SCP2: variants seen among roughly 807,000 people sequenced by gnomAD.
SCP2 encodes SCP-2/3-oxoacyl-CoA thiolase.
SCP2 carries 48 observed loss-of-function variants against 71.4 expected under a neutral mutation model. The ratio of observed to expected loss-of-function variants is 0.67; its 90% CI spans 0.53 to 0.86. The LOEUF (loss-of-function observed/expected upper bound fraction) is 0.86, where lower values mean the gene tolerates loss of function less well. Among genes scored for constraint, SCP2 ranks in the 40% least tolerant of loss-of-function variants. SCP2 has a pLI of 0.00. For synonymous variants in SCP2, 220 were observed against 218.1 expected (o/e 1.01, Z -0.08); for missense variants, 560 against 655.6 (o/e 0.85, Z 1.59).
At chr1:53,014,867 G>A in intron 11 of SCP2, 23 bp from the exon 12 acceptor site, 1 of 1,611,862 alleles carries the variant, frequency 6.2e-7, no homozygotes, top group Non-Finnish European at 8.5e-7. Flanking sequence ...AAGCAGCTCA[G>A]TGCTCTGTGT....
intron 14 of SCP2, among the ~76,000 whole-genome samples, chr1:53,044,963 GA>G (rs1663693041): frequency 6.6e-6 from 1 of 152,144 alleles, no homozygotes; most frequent in Non-Finnish European, 1.5e-5. Context: ...ATAGACAAAC[GA>G]AACGAAGAAC....
At chr1:52,936,102 A>G (rs1653719802) in intron 1 of SCP2, among the ~76,000 whole-genome samples, 1 of 152,262 alleles carries the variant, frequency 6.6e-6, no homozygotes, top group Non-Finnish European at 1.5e-5. Flanking sequence ...TGAATTAAAG[A>G]TAATTGCAGA....
chr1:53,048,097 A>G, intron 15 of SCP2, 160 bp downstream of exon 15: 1 of 660,406 alleles, frequency 1.5e-6, no homozygotes, highest in South Asian at 1.5e-5. Flanking sequence ...TGTGTGCCAC[A>G]CACTGTCTTG....
At chr1:52,994,510 A>C (rs1380572751) in intron 11 of SCP2, 1 of 195,404 alleles carries the variant, frequency 5.1e-6, no homozygotes, top group East Asian at 1.5e-4. Flanking sequence ...TTTCATATCT[A>C]TATTTGTTAT....
intron 3 of SCP2, among the ~76,000 whole-genome samples, chr1:52,948,586 C>A (rs1277365753): frequency 7.0e-6 from 1 of 143,852 alleles, no homozygotes; most frequent in Non-Finnish European, 1.5e-5. Context: ...GATTGTGCCA[C>A]TGCACTCCAG....
At chr1:53,000,287 T>A (rs1660233416) in intron 11 of SCP2, among the ~76,000 whole-genome samples, 1 of 150,230 alleles carries the variant, frequency 6.7e-6, no homozygotes, top group Admixed American at 6.7e-5. Flanking sequence ...ATAAGTAAAA[T>A]TTGGCTTTAG....
intron 11 of SCP2, among the ~76,000 whole-genome samples, chr1:53,003,513 C>A (rs1334788226): frequency 6.6e-6 from 1 of 151,992 alleles, no homozygotes; most frequent in Non-Finnish European, 1.5e-5. Context: ...AGCCATCATG[C>A]CTTCTTTTTC....
At chr1:53,015,520 TTTCTTTCG>T (rs1320609217) in intron 12 of SCP2, among the ~76,000 whole-genome samples, 6 of 152,214 alleles carry the variant, frequency 3.9e-5, no homozygotes, top group African/African-American at 9.6e-5. Context: ...TTGCAGGCAC[TTTCTTTCG>T]CATCCCACTC....
At chr1:52,936,668 G>T (rs917394686) in intron 1 of SCP2, among the ~76,000 whole-genome samples, 12 of 152,180 alleles carry the variant, frequency 7.9e-5, no homozygotes, top group African/African-American at 2.4e-4. Context: ...GATTAAAAGA[G>T]AATTAAAAGA....
At chr1:53,006,953 A>G (rs1660678065) in intron 11 of SCP2, among the ~76,000 whole-genome samples, 2 of 152,182 alleles carry the variant, frequency 1.3e-5, no homozygotes, top group Non-Finnish European at 1.5e-5. Context: ...AAGCAAATGG[A>G]AAACAAAAAA....
intron 1 of SCP2, among the ~76,000 whole-genome samples, chr1:52,931,862 A>C (rs1653181810): frequency 6.6e-6 from 1 of 152,240 alleles, no homozygotes; most frequent in Admixed American, 6.5e-5. Context: ...CTTAGGGAAC[A>C]AAAGAAAACC....
intron 5 of SCP2, among the ~76,000 whole-genome samples, chr1:52,960,656 GTGTATATATA>G (rs1367039955): frequency 1.4e-5 from 2 of 146,688 alleles, no homozygotes; most frequent in African/African-American, 5.1e-5. Flanking sequence ...ATGTATATAT[GTGTATATATA>G]TGTATGTGTA....
intron 11 of SCP2, among the ~76,000 whole-genome samples, chr1:52,999,702 C>G (rs181201969): frequency 6.6e-6 from 1 of 151,860 alleles, no homozygotes. Flanking sequence ...TTTTTGATTA[C>G]TTTGCAGTGA....
intron 15 of SCP2, 55 bp downstream of exon 15, chr1:53,047,992 A>T (rs371192674): frequency 6.5e-5 from 77 of 1,192,394 alleles, no homozygotes; most frequent in Non-Finnish European, 9.4e-5. Context: ...AGCCCTTTCT[A>T]CTCCATCTCC....
rs111767024 is a variant in SCP2, at chr1:52,971,061, T to C, written c.524-3708T>C. 5.2e-3 allele frequency among the ~76,000 whole-genome samples: 761 copies of C among 147,204 alleles called. 8 individuals carry two copies. Among genetic ancestry groups the C allele is most frequent in the African/African-American group, 0.019 (744 of 39,492 alleles). On this transcript the variant is annotated intron_variant, in intron 6 of 15. Coordinates refer to ENST00000371514, the MANE Select transcript of SCP2 (RefSeq NM_002979.5). ...CGCAATCTCAGCTCACTGCAAGCTCTGCCTCCCGGGTTCACGCCATTCTCC... is the reference window on the plus strand; with the variant it reads ...CGCAATCTCAGCTCACTGCAAGCTCCGCCTCCCGGGTTCACGCCATTCTCC...
chr1:52,940,901 C>T (rs1210823364), intron 1 of SCP2, among the ~76,000 whole-genome samples: 3 of 152,132 alleles, frequency 2.0e-5, no homozygotes, highest in African/African-American at 4.8e-5. Context: ...AGGCGTATAC[C>T]GCCATGCCTG....
rs34293671 is a variant in SCP2 at position 53,037,879 on chromosome 1, TACACACAC to T, written c.1339-994_1339-987del. 5.9e-3 allele frequency among the ~76,000 whole-genome samples: 499 copies of T among 84,528 alleles called. 2 individuals carry two copies. The highest frequency in any genetic ancestry group is 0.015 in the East Asian group (41 of 2,780). 55.5% of individuals were successfully genotyped at this position (84,528 alleles called of 152,430 possible). ...AACATAGGGAGATCCTGTCTCTACATACACACACACACACACACACACACACACACACA... is the reference window on the plus strand; with the variant it reads ...AACATAGGGAGATCCTGTCTCTACATACACACACACACACACACACACACA... On this transcript the variant is annotated intron_variant, in intron 13 of 15. Coordinates refer to ENST00000371514, the MANE Select transcript of SCP2 (RefSeq NM_002979.5).
chr1:52,974,870 G>A (rs770055987), intron 7 of SCP2, 38 bp downstream of exon 7: 8 of 984,204 alleles, frequency 8.1e-6, no homozygotes, highest in Admixed American at 1.7e-5. Context: ...GAAAATCTGG[G>A]TTATCCTACT....
chr1:52,938,297 C>G (rs1029988995), intron 1 of SCP2, among the ~76,000 whole-genome samples: 1 of 152,044 alleles, frequency 6.6e-6, no homozygotes, highest in African/African-American at 2.4e-5. Flanking sequence ...TGTATATATG[C>G]GTGTACTGGG....
Sources: allele counts gnomAD v4.1 joint callset (sites outside exome capture counted in the v4.1 genomes callset), GRCh38; gene constraint gnomAD v4.1.1; transcripts MANE v1.5; gene names NCBI Gene and HGNC (gene_info 2026-07-23, HGNC 2026-07-21).